Variants in GFRA2 observed in about 807,000 individuals in gnomAD.
GFRA2 encodes GDNF family receptor alpha 2, also known as GDNF family receptor alpha-2.
In GFRA2, 17 loss-of-function variants were observed where a neutral mutation model predicts 48.3. The ratio of observed to expected loss-of-function variants is 0.35; its 90% CI spans 0.24 to 0.53. The LOEUF (loss-of-function observed/expected upper bound fraction) is 0.53. Ranked by LOEUF, GFRA2 falls within the 20% of genes least tolerant of loss-of-function variation. The pLI is 0.93. For missense variants in GFRA2, 660 were observed against 637.3 expected (o/e 1.04, Z -0.38); for synonymous variants, 305 against 257.2 (o/e 1.19, Z -1.78).
chr8:21,736,342 A>T (rs1389563031), intron 4 of GFRA2, among the ~76,000 whole-genome samples: 1 of 152,170 alleles, frequency 6.6e-6, no homozygotes, highest in African/African-American at 2.4e-5. Flanking sequence ...AACAACACAT[A>T]CTGTGTGACA....
At chr8:21,772,393 C>A (rs1324367574) in intron 3 of GFRA2, among the ~76,000 whole-genome samples, 1 of 152,088 alleles carries the variant, frequency 6.6e-6, no homozygotes, top group Admixed American at 6.5e-5. Flanking sequence ...AGCTTCGAAC[C>A]CTTGGGCTCA....
intron 3 of GFRA2, among the ~76,000 whole-genome samples, chr8:21,768,011 T>C: frequency 6.6e-6 from 1 of 152,156 alleles, no homozygotes; most frequent in East Asian, 1.9e-4. Context: ...TGTCGATCCC[T>C]CCAGCTCCGC....
chr8:21,748,365 T>G (rs576177758), intron 4 of GFRA2, among the ~76,000 whole-genome samples: 1 of 152,248 alleles, frequency 6.6e-6, no homozygotes, highest in African/African-American at 2.4e-5. Context: ...TCAACTAACC[T>G]TATGGAATGC....
At chr8:21,715,461 A>G (rs377452750) in intron 4 of GFRA2, among the ~76,000 whole-genome samples, 15 of 152,156 alleles carry the variant, frequency 9.9e-5, no homozygotes, top group African/African-American at 3.6e-4. Context: ...GGCACGCACC[A>G]CCACGCATGG....
At chr8:21,772,767 T>A (rs1806500389) in intron 3 of GFRA2, among the ~76,000 whole-genome samples, 1 of 152,194 alleles carries the variant, frequency 6.6e-6, no homozygotes, top group Non-Finnish European at 1.5e-5. Context: ...ATTTGTCTTG[T>A]CAACATCCTG....
At chr8:21,805,517 A>G (rs762319613) in intron 1 of GFRA2, among the ~76,000 whole-genome samples, 32 of 152,184 alleles carry the variant, frequency 2.1e-4, no homozygotes, top group Non-Finnish European at 4.1e-4. Flanking sequence ...CAGAATAAGA[A>G]CTAAGGGGCC....
intron 4 of GFRA2, among the ~76,000 whole-genome samples, chr8:21,708,362 G>T (rs1298546832): frequency 6.6e-6 from 1 of 152,162 alleles, no homozygotes; most frequent in South Asian, 2.1e-4. Flanking sequence ...GCCAGCAAAT[G>T]AGAGAGAGTG....
intron 3 of GFRA2, among the ~76,000 whole-genome samples, chr8:21,772,314 T>G (rs1806475972): frequency 6.6e-6 from 1 of 151,940 alleles, no homozygotes; most frequent in Non-Finnish European, 1.5e-5. Flanking sequence ...TTTTGGGAGG[T>G]TTTTTTGAGA....
chr8:21,769,235 G>GGCCCCAGCCCT, intron 3 of GFRA2: 1 of 940,250 alleles, frequency 1.1e-6, no homozygotes, highest in Non-Finnish European at 1.3e-6. Flanking sequence ...TCCGAAGTCT[G>GGCCCCAGCCCT]GCCCCAGCCC....
chr8:21,757,725 C>G (rs907446231), intron 3 of GFRA2, among the ~76,000 whole-genome samples: 2 of 152,150 alleles, frequency 1.3e-5, no homozygotes, highest in Non-Finnish European at 2.9e-5. Flanking sequence ...TGGTCTCGAA[C>G]TCCTGGCCTC....
At chr8:21,712,868 G>A (rs1032074620) in intron 4 of GFRA2, among the ~76,000 whole-genome samples, 3 of 151,924 alleles carry the variant, frequency 2.0e-5, no homozygotes, top group African/African-American at 4.8e-5. Context: ...CCAGTCAGGC[G>A]TGGCGGTGCA....
chr8:21,691,465 C>T lies in GFRA2; in HGVS notation c.*1813G>A, dbSNP rs1801881239. On this transcript the variant is annotated 3_prime_UTR_variant, in exon 9 of 9. Transcript: ENST00000524240. ...GGAATAGAGGGAGACCCAAAAAATA[C>T]TTATGCTTTCAGACCATGACCCCAG... The T allele has an allele frequency of 2.0e-5, 3 of 152,236 alleles. No individual in the cohort carries two copies. Among genetic ancestry groups the T allele is most frequent in the Admixed American group, 1.3e-4 (2 of 15,278 alleles). 9.4% of individuals were successfully genotyped at this position (152,236 alleles called of 1,614,324 possible).
Position 21,750,727 on chromosome 8 carries a change from T to C in GFRA2, c.655A>G (p.Met219Val), listed in dbSNP as rs1239341282. Residue 219 changes from methionine (M) to valine (V), a missense_variant, in exon 4 of 9, where the codon ATG becomes GTG. Met to Val is a conservative substitution (Grantham distance 21). Coordinates refer to ENST00000524240, the MANE Select transcript of GFRA2 (RefSeq NM_001495.5). This position sits in a 1 kb window ranked among gnomAD's most constrained non-coding sequence, Gnocchi z 5.7. Reference protein sequence around the residue: ...DRVPSEYTYRMLFCSCQDQAC... With the variant: ...DRVPSEYTYRVLFCSCQDQAC... ...TGGTCTTGGCAGGAGCAGAAGAGCATGCGGTAGGTGTACTCGCTGGGCACC... is the reference window on the plus strand; with the variant it reads ...TGGTCTTGGCAGGAGCAGAAGAGCACGCGGTAGGTGTACTCGCTGGGCACC... The C allele has an allele frequency of 3.7e-6, 6 of 1,613,888 alleles. No homozygotes were observed. The highest frequency in any genetic ancestry group is 1.7e-5 in the Admixed American group (1 of 60,022).
chr8:21,779,757 A>C (rs1324328530), intron 2 of GFRA2: 4 of 152,196 alleles, frequency 2.6e-5, no homozygotes, highest in Non-Finnish European at 4.4e-5. Context: ...TGATGGTAGT[A>C]ATTATATGCA....
At chr8:21,784,845 G>A (rs1807190175) in intron 1 of GFRA2, among the ~76,000 whole-genome samples, 1 of 152,168 alleles carries the variant, frequency 6.6e-6, no homozygotes, top group Non-Finnish European at 1.5e-5. Flanking sequence ...ACAAGCTGAG[G>A]CAGCGTCTTT....
intron 1 of GFRA2, among the ~76,000 whole-genome samples, chr8:21,805,904 G>A (rs1289739875): frequency 2.0e-5 from 3 of 152,200 alleles, no homozygotes; most frequent in Non-Finnish European, 2.9e-5. Flanking sequence ...CAGAAGGGCC[G>A]GCCAAGCCCC....
At chr8:21,748,262 A>G (rs192211824) in intron 4 of GFRA2, among the ~76,000 whole-genome samples, 1 of 152,030 alleles carries the variant, frequency 6.6e-6, no homozygotes, top group East Asian at 1.9e-4. Context: ...GGCCCCTCAA[A>G]TGCTGCATGT....
intron 4 of GFRA2, among the ~76,000 whole-genome samples, chr8:21,716,474 G>C (rs1803341950): frequency 1.3e-5 from 2 of 152,132 alleles, no homozygotes; most frequent in African/African-American, 4.8e-5. Context: ...CCAAGCAAAA[G>C]AGCCAGGACT....
intron 3 of GFRA2, among the ~76,000 whole-genome samples, chr8:21,754,495 CT>C (rs1192937060): frequency 1.4e-3 from 174 of 125,088 alleles, no homozygotes; most frequent in African/African-American, 4.5e-3. Context: ...CAACAATGGT[CT>C]TTTTTTTTCT....
Sources: allele counts gnomAD v4.1 joint callset (sites outside exome capture counted in the v4.1 genomes callset), GRCh38; gene constraint gnomAD v4.1.1; non-coding constraint Gnocchi (gnomAD v3.1); transcripts MANE v1.5; gene names NCBI Gene and HGNC (gene_info 2026-07-23, HGNC 2026-07-21).